The following RYR2 variants were observed in gnomAD, a reference collection of about 807,000 sequenced individuals.
RYR2 encodes the protein cardiac muscle ryanodine receptor-calcium release channel.
Under a neutral mutation model 601.1 loss-of-function variants are expected in RYR2, and 227 were observed. The ratio of observed to expected loss-of-function variants is 0.38; its 90% CI spans 0.34 to 0.42. RYR2 has a LOEUF of 0.42. RYR2 is among the 10% of genes least tolerant of loss of function. The pLI is 1.00. For synonymous variants in RYR2, 2,223 were observed against 2,175.1 expected (o/e 1.02, Z -0.61); for missense variants, 4,646 against 6,156.5 (o/e 0.75, Z 8.21).
chr1:237,562,242 T>C (rs1317202548), intron 27 of RYR2, among the ~76,000 whole-genome samples: 1 of 152,210 alleles, frequency 6.6e-6, no homozygotes, highest in Non-Finnish European at 1.5e-5. Context: ...AAGATTTGAA[T>C]TGTTTTATCC....
intron 1 of RYR2, among the ~76,000 whole-genome samples, chr1:237,064,708 C>A (rs1229154289): frequency 7.7e-6 from 1 of 130,458 alleles, no homozygotes; most frequent in Non-Finnish European, 1.6e-5. Flanking sequence ...ATGTGAATAC[C>A]TGCAGTTTTT....
intron 1 of RYR2, among the ~76,000 whole-genome samples, chr1:237,225,116 TG>T (rs1216623809): frequency 6.6e-6 from 1 of 152,176 alleles, no homozygotes; most frequent in Non-Finnish European, 1.5e-5. Context: ...GTGGCATCAG[TG>T]TTTTGAAGTC....
At chr1:237,511,537 C>G in intron 23 of RYR2, 151 bp from the exon 24 acceptor site, 1 of 593,418 alleles carries the variant, frequency 1.7e-6, no homozygotes, top group Non-Finnish European at 3.1e-6. Flanking sequence ...ATACTCACTG[C>G]GCCTGAGAGG....
At chr1:237,318,104 G>C (rs578178481) in intron 2 of RYR2, among the ~76,000 whole-genome samples, 410 of 151,938 alleles carry the variant, frequency 2.7e-3, no homozygotes, top group Non-Finnish European at 4.3e-3. Context: ...TGTATTTTTT[G>C]AGTTATGCTC....
intron 1 of RYR2, among the ~76,000 whole-genome samples, chr1:237,119,469 C>T (rs528146080): frequency 7.9e-5 from 12 of 152,284 alleles, no homozygotes; most frequent in East Asian, 1.9e-4. Flanking sequence ...GGTGCACCTG[C>T]GCCAGCATCT....
At chr1:237,288,654 C>T (rs1691844832) in intron 2 of RYR2, among the ~76,000 whole-genome samples, 2 of 152,070 alleles carry the variant, frequency 1.3e-5, no homozygotes, top group African/African-American at 4.8e-5. Flanking sequence ...AGTCGTACTC[C>T]CACTGTGCCC....
intron 1 of RYR2, among the ~76,000 whole-genome samples, chr1:237,061,292 T>C (rs1165184448): frequency 1.4e-3 from 81 of 58,246 alleles, no homozygotes; most frequent in East Asian, 6.1e-3. Flanking sequence ...TCTATCTATC[T>C]ATCTATCTAT....
chr1:237,503,328 A>C lies in RYR2; in HGVS notation c.2436A>C (p.Lys812Asn). Residue 812 changes from lysine to asparagine, a missense_variant, in exon 22 of 105, where the codon AAA (lysine) becomes AAC (asparagine). Coordinates refer to ENST00000366574, the MANE Select transcript of RYR2 (RefSeq NM_001035.3). The part of the protein sequence containing the change: ...FLLGGRHGEF[K>N]FLPPPGYAPC... Reference sequence around the variant, plus strand: ...TTGGAGGGCGACATGGAGAATTCAAATTTCTTCCTCCACCTGGGTATGCTC... The same window carrying C: ...TTGGAGGGCGACATGGAGAATTCAACTTTCTTCCTCCACCTGGGTATGCTC... The C allele has an allele frequency of 6.2e-7, 1 of 1,613,506 alleles. No homozygotes were observed. The highest frequency in any genetic ancestry group is 8.5e-7 in the Non-Finnish European group (1 of 1,179,660).
chr1:237,182,617 CT>C (rs1243059085), intron 1 of RYR2, among the ~76,000 whole-genome samples: 1 of 152,148 alleles, frequency 6.6e-6, no homozygotes, highest in African/African-American at 2.4e-5. Flanking sequence ...TATATATTGT[CT>C]TTGGTGACTT....
chr1:237,369,269 A>G (rs944738960), intron 5 of RYR2, among the ~76,000 whole-genome samples: 2 of 152,168 alleles, frequency 1.3e-5, no homozygotes, highest in African/African-American at 4.8e-5. Flanking sequence ...ATTATGAGTA[A>G]ATAACTATAA....
chr1:237,146,935 C>A (rs2490370), intron 1 of RYR2, among the ~76,000 whole-genome samples: 102,670 of 151,986 alleles, frequency 0.68, 34,780 homozygotes, highest in South Asian at 0.7. Flanking sequence ...GTTGAACATA[C>A]TACTTGTTAA....
rs1191084523 is a variant in RYR2 at position 237,435,126 on chromosome 1, T to A, written c.1006-6193T>A. 2.0e-5 allele frequency among the ~76,000 whole-genome samples: 3 copies of A among 152,208 alleles called. 1 individual carries two copies. Among genetic ancestry groups the A allele is most frequent in the African/African-American group, 7.2e-5 (3 of 41,452 alleles). On this transcript the variant is annotated intron_variant, in intron 12 of 104. Coordinates refer to ENST00000366574, the MANE Select transcript of RYR2 (RefSeq NM_001035.3). ...CTATATTATTTTTATCTGGATTTTT[T>A]ATTTTTCATTCAGAATATGTTTCAG... is the stretch of plus-strand genomic sequence containing the variant.
intron 1 of RYR2, among the ~76,000 whole-genome samples, chr1:237,131,625 A>G (rs527786277): frequency 5.3e-4 from 80 of 152,344 alleles, no homozygotes; most frequent in African/African-American, 1.8e-3. Context: ...TCAACTAGAA[A>G]TGCTAGAATT....
chr1:237,262,692 C>T (rs1688657229), intron 1 of RYR2, among the ~76,000 whole-genome samples: 1 of 152,120 alleles, frequency 6.6e-6, no homozygotes, highest in Admixed American at 6.5e-5. Context: ...TTTCATTAAG[C>T]CACTGGTTTC....
At chr1:237,086,517 G>C (rs74149706) in intron 1 of RYR2, among the ~76,000 whole-genome samples, 1 of 151,990 alleles carries the variant, frequency 6.6e-6, no homozygotes, top group South Asian at 2.1e-4. Context: ...TCTGTGTTTC[G>C]GGTTCATCCT....
At chr1:237,669,908 A>G (rs1447083177) in intron 58 of RYR2, among the ~76,000 whole-genome samples, 3 of 152,078 alleles carry the variant, frequency 2.0e-5, no homozygotes, top group Non-Finnish European at 4.4e-5. Flanking sequence ...AGAGGCTGCA[A>G]TCTCGGCATT....
In RYR2 at chr1:237,594,885, G is replaced by GGTTTTTTTTTTTGTTTTTT. The variant is rs1675638353; in HGVS notation, c.4437-601_4437-600insGTTTTTTGTTTTTTTTTTT. ...GTGGCATTTGTGGTTAATATCACTG[G>GGTTTTTTTTTTTGTTTTTT]GTTTTTTTTTTTTTTTTTTTTTTTT... On this transcript the variant is annotated intron_variant, in intron 33 of 104. Transcript: ENST00000366574. 4.0e-3 allele frequency among the ~76,000 whole-genome samples: 314 copies of GGTTTTTTTTTTTGTTTTTT among 79,046 alleles called. 6 individuals are homozygous for GGTTTTTTTTTTTGTTTTTT. Among genetic ancestry groups the GGTTTTTTTTTTTGTTTTTT allele is most frequent in the African/African-American group, 0.019 (257 of 13,810 alleles). 51.9% of individuals were successfully genotyped at this position (79,046 alleles called of 152,430 possible). A position where few individuals can be genotyped will look rare whatever the true frequency, so the allele number is the denominator to read the frequency against.
chr1:237,505,514 C>A (rs1665129578), intron 22 of RYR2, among the ~76,000 whole-genome samples: 1 of 152,136 alleles, frequency 6.6e-6, no homozygotes, highest in Non-Finnish European at 1.5e-5. Flanking sequence ...AATAAACATG[C>A]AAACATTGTT....
chr1:237,501,373 C>T (rs1378893324), intron 21 of RYR2, among the ~76,000 whole-genome samples: 2 of 152,126 alleles, frequency 1.3e-5, no homozygotes, highest in East Asian at 3.9e-4. Flanking sequence ...CAGTGTTCCT[C>T]TCCACCTTTA....
Sources: gnomAD v4.1 joint callset for allele counts (sites outside exome capture counted in the v4.1 genomes callset) on GRCh38, gnomAD v4.1.1 for gene constraint, MANE v1.5 for transcripts, NCBI Gene and HGNC (gene_info 2026-07-23, HGNC 2026-07-21) for gene names.